GRAMD1C: variants seen among roughly 807,000 people sequenced by gnomAD.
GRAMD1C encodes the protein protein Aster-C.
A neutral mutation model predicts 97.8 loss-of-function variants in GRAMD1C; 89 were observed. The ratio of observed to expected loss-of-function variants is 0.91; its 90% CI spans 0.77 to 1.09. The LOEUF is 1.09. Ranked by LOEUF, GRAMD1C falls within the 50% of genes least tolerant of loss-of-function variation. GRAMD1C has a pLI of 0.00. For synonymous variants in GRAMD1C, 256 were observed against 267.0 expected (o/e 0.96, Z 0.40); for missense variants, 740 against 766.4 (o/e 0.97, Z 0.41).
chr3:113,887,668 A>G (rs1464270884), intron 6 of GRAMD1C, among the ~76,000 whole-genome samples: 3 of 145,352 alleles, frequency 2.1e-5, no homozygotes, highest in Non-Finnish European at 4.5e-5. Flanking sequence ...AGATTGCTCC[A>G]CTGCACTCCA....
In GRAMD1C at chr3:113,938,083, C is replaced by A; in HGVS notation, c.1634-3C>A. The A allele has an allele frequency of 1.4e-6, 2 of 1,463,412 alleles. No individual in the cohort carries two copies. The highest frequency in any genetic ancestry group is 1.9e-6 in the Non-Finnish European group (2 of 1,063,350). 90.7% of individuals were successfully genotyped at this position (1,463,412 alleles called of 1,614,324 possible). On this transcript the variant is annotated splice_region_variant and splice_polypyrimidine_tract_variant and intron_variant, in intron 14 of 17. Coordinates refer to ENST00000358160, the MANE Select transcript of GRAMD1C (RefSeq NM_017577.5). Reference sequence around the variant, plus strand: ...AATGCAGCCTTTTTCTTGTGATCTACAGGAAAGAAAAAGGAAATGGAAAAC... The same window carrying A: ...AATGCAGCCTTTTTCTTGTGATCTAAAGGAAAGAAAAAGGAAATGGAAAAC...
At chr3:113,943,168 T>C (rs961485301) in intron 17 of GRAMD1C, among the ~76,000 whole-genome samples, 1 of 152,192 alleles carries the variant, frequency 6.6e-6, no homozygotes, top group Non-Finnish European at 1.5e-5. Context: ...CCAACTAATA[T>C]TGCTTGAGCC....
intron 6 of GRAMD1C, among the ~76,000 whole-genome samples, chr3:113,884,052 A>G (rs1296158261): frequency 6.6e-6 from 1 of 152,192 alleles, no homozygotes; most frequent in Admixed American, 6.5e-5. Context: ...AGATAGAACA[A>G]CTAGACAGAA....
At position 113,838,849 on chromosome 3, in the gene GRAMD1C, G is replaced by C; in HGVS notation, c.-61G>C. 8.4e-7 allele frequency: 1 copy of C among 1,193,840 alleles called. No individual in the cohort carries two copies. The highest frequency in any genetic ancestry group is 1.0e-6 in the Non-Finnish European group (1 of 954,498). 74.0% of individuals were successfully genotyped at this position (1,193,840 alleles called of 1,614,324 possible). A position where few individuals can be genotyped will look rare whatever the true frequency, so the allele number is the denominator to read the frequency against. On this transcript the variant is annotated 5_prime_UTR_variant, in exon 1 of 18. Transcript: ENST00000358160. ...TAACTCGCAGCGCGCGCTGGAGGTG[G>C]GCGCGGGGCGGTGCGGTGCGGTGCG...
chr3:113,885,286 G>A (rs1384828519), intron 6 of GRAMD1C: 7 of 1,464,980 alleles, frequency 4.8e-6, no homozygotes, highest in Non-Finnish European at 6.6e-6. Context: ...CGGCGGTGCC[G>A]GGGTCATCCG....
chr3:113,837,130 T>C (rs965803208), upstream of GRAMD1C, among the ~76,000 whole-genome samples: 27 of 151,326 alleles, frequency 1.8e-4, no homozygotes, highest in African/African-American at 6.1e-4. Context: ...CTCTCTTTCT[T>C]TCTCTCTCTC....
At chr3:113,919,267 A>G (rs181081249) in intron 10 of GRAMD1C, 8 of 424,302 alleles carry the variant, frequency 1.9e-5, no homozygotes, top group Admixed American at 1.6e-4. Flanking sequence ...TGAGATTGAT[A>G]TGTCTTTAAT....
rs1318346444 is a variant in GRAMD1C, at chr3:113,849,304, TTTA to T, written c.174+4658_174+4660del. On this transcript the variant is annotated intron_variant, in intron 2 of 17. Transcript: ENST00000358160. ...ATTTATTTATTTATTTATTTATTTA[TTTA>T]TTTTTTATTGATCATTCTTGGGTGT... is the stretch of plus-strand genomic sequence containing the variant. Among the ~76,000 whole-genome samples the T allele has an allele frequency of 2.0e-3, 291 of 145,536 alleles. 4 individuals carry two copies. The highest frequency in any genetic ancestry group is 4.2e-3 in the Admixed American group (61 of 14,624).
intron 10 of GRAMD1C, among the ~76,000 whole-genome samples, chr3:113,924,424 G>C (rs903691825): frequency 1.3e-5 from 2 of 151,662 alleles, no homozygotes; most frequent in African/African-American, 4.8e-5. Flanking sequence ...CTATAAACTT[G>C]TAACACTGCT....
At chr3:113,915,883 T>C (rs1168405824) in intron 10 of GRAMD1C, 45 bp downstream of exon 10, 1 of 1,407,402 alleles carries the variant, frequency 7.1e-7, no homozygotes. Context: ...GGGAGAATGC[T>C]ATTATTCTTA....
chr3:113,846,461 T>C (rs1421159932), intron 2 of GRAMD1C, among the ~76,000 whole-genome samples: 3 of 152,170 alleles, frequency 2.0e-5, no homozygotes, highest in South Asian at 4.1e-4. Flanking sequence ...CTTCATACTC[T>C]TAGGGACTAT....
chr3:113,904,614 T>C (rs912982047), intron 8 of GRAMD1C, among the ~76,000 whole-genome samples: 1 of 151,770 alleles, frequency 6.6e-6, no homozygotes, highest in Non-Finnish European at 1.5e-5. Context: ...GAATCTGTTT[T>C]TTTTTTTTTC....
intron 2 of GRAMD1C, among the ~76,000 whole-genome samples, chr3:113,862,925 A>G (rs530510852): frequency 6.6e-6 from 1 of 152,310 alleles, no homozygotes; most frequent in East Asian, 1.9e-4. Flanking sequence ...GGCTGTAATA[A>G]GAAAGATAGA....
At chr3:113,857,651 C>T (rs560645581) in intron 2 of GRAMD1C, among the ~76,000 whole-genome samples, 40 of 152,320 alleles carry the variant, frequency 2.6e-4, no homozygotes, top group Admixed American at 1.0e-3. Flanking sequence ...GCTGGGATTA[C>T]AGGCATGAGC....
intron 2 of GRAMD1C, among the ~76,000 whole-genome samples, chr3:113,855,424 C>T (rs1002232986): frequency 1.3e-5 from 2 of 152,172 alleles, no homozygotes; most frequent in African/African-American, 2.4e-5. Context: ...TTGATTTTGG[C>T]CGGCCACAGT....
chr3:113,930,634 T>G, intron 10 of GRAMD1C, 80 bp from the exon 11 acceptor site: 1 of 754,746 alleles, frequency 1.3e-6, no homozygotes, highest in South Asian at 1.7e-5. Flanking sequence ...TTTTAATAAT[T>G]CAGAAGCTCC....
At chr3:113,837,294 T>G (rs1390989176), upstream of GRAMD1C, among the ~76,000 whole-genome samples, 1 of 152,078 alleles carries the variant, frequency 6.6e-6, no homozygotes, top group African/African-American at 2.4e-5. Flanking sequence ...TTTATAGCTG[T>G]TTGGTTGGGA....
intron 9 of GRAMD1C, among the ~76,000 whole-genome samples, chr3:113,913,718 C>T (rs2107337032): frequency 6.6e-6 from 1 of 152,220 alleles, no homozygotes; most frequent in East Asian, 1.9e-4. Context: ...AAATCAAGCG[C>T]TCCTACTGGT....
intron 6 of GRAMD1C, chr3:113,885,380 TG>T (rs1935433662): frequency 6.3e-7 from 1 of 1,586,524 alleles, no homozygotes; most frequent in African/African-American, 1.3e-5. Context: ...ATTTACCTTT[TG>T]CGGGGGCAGA....
Sources: allele counts gnomAD v4.1 joint callset (sites outside exome capture counted in the v4.1 genomes callset), GRCh38; gene constraint gnomAD v4.1.1; transcripts MANE v1.5; gene names NCBI Gene and HGNC (gene_info 2026-07-23, HGNC 2026-07-21).